GLRA1: variants seen among roughly 807,000 people sequenced by gnomAD.
GLRA1 encodes glycine receptor subunit alpha-1.
A neutral mutation model predicts 48.3 loss-of-function variants in GLRA1; 37 were observed. That is an observed-to-expected ratio of 0.77 (90% confidence interval 0.59 to 1.01). The LOEUF (loss-of-function observed/expected upper bound fraction) is 1.01. GLRA1 is among the 50% of genes least tolerant of loss of function. The pLI is 0.00. For synonymous variants in GLRA1, 196 were observed against 210.7 expected, an observed-to-expected ratio of 0.93 and a Z score of 0.60; for missense variants, 427 against 571.0, an observed-to-expected ratio of 0.75 and a Z score of 2.57.
rs755327089 is a variant in GLRA1 at position 151,886,794 on chromosome 5, A to G, written c.185-6T>C. 4 of 1,609,764 alleles carry G rather than the reference A, an allele frequency of 2.5e-6. No homozygotes were observed. The East Asian group carries it at 8.9e-5, about 36-fold the overall frequency. ...GCTCACGTTCACTGGGGGACCTGCCAATCAAGAGAGATTCCTGCTTAGCCC... is the reference window on the plus strand; with the variant it reads ...GCTCACGTTCACTGGGGGACCTGCCGATCAAGAGAGATTCCTGCTTAGCCC... On this transcript the variant is annotated splice_polypyrimidine_tract_variant and splice_region_variant and intron_variant, in intron 2 of 8. Transcript: ENST00000274576.
Position 151,855,095 on chromosome 5 carries a change from C to T in GLRA1, c.642G>A (p.Gln214=), listed in dbSNP as rs766580626. 6.2e-7 allele frequency: 1 copy of T among 1,614,078 alleles called. No individual in the cohort carries two copies. Among genetic ancestry groups the T allele is most frequent in the Non-Finnish European group, 8.5e-7 (1 of 1,179,948 alleles). Residue 214 remains glutamine, a synonymous_variant, in exon 6 of 9, where the codon CAG becomes CAA. Coordinates refer to ENST00000274576, the MANE Select transcript of GLRA1 (RefSeq NM_000171.4). The stretch of plus-strand genomic sequence containing the variant: ...AGTCCTTCTCTTCCTTCAAGATAAA[C>T]TGGGGCAGAGTTAGTCCATCTGCTA... ...VQVADGLTLP[Q]FILKEEKDLR... is the part of the protein sequence containing the mutation.
intron 1 of GLRA1, among the ~76,000 whole-genome samples, chr5:151,896,166 G>A (rs1354562387): frequency 2.0e-5 from 3 of 152,214 alleles, no homozygotes; most frequent in Non-Finnish European, 4.4e-5. Flanking sequence ...AAGCTGAAGA[G>A]TCTTCTGGTT....
chr5:151,827,029 G>GTTTTTTTTTTTTTTTTT (rs199505206), intron 8 of GLRA1, among the ~76,000 whole-genome samples: 24 of 126,784 alleles, frequency 1.9e-4, no homozygotes, highest in African/African-American at 6.7e-4. Flanking sequence ...CTTTCTTTCT[G>GTTTTTTTTTTTTTTTTT]TTTTTTTTTT....
At chr5:151,864,660 C>T (rs977414860) in intron 3 of GLRA1, among the ~76,000 whole-genome samples, 4 of 152,188 alleles carry the variant, frequency 2.6e-5, no homozygotes, top group Non-Finnish European at 5.9e-5. Flanking sequence ...CTTGATGCCC[C>T]AGGCTTCCCT....
rs368715490 is a variant in GLRA1, at chr5:151,850,973, A to G, written c.912+417T>C. 5.3e-5 allele frequency among the ~76,000 whole-genome samples: 8 copies of G among 152,338 alleles called. No homozygotes were observed. The East Asian group carries it at 5.8e-4, about 11-fold the overall frequency. ...CAAATACAACTTTATGCTGAGTCCT[A>G]TGAATCTTTCTATCAAATCTCTAGA... On this transcript the variant is annotated intron_variant, in intron 7 of 8. Coordinates refer to ENST00000274576, the MANE Select transcript of GLRA1 (RefSeq NM_000171.4).
At chr5:151,849,771 C>T in intron 7 of GLRA1, 1 of 616,256 alleles carries the variant, frequency 1.6e-6, no homozygotes, top group Non-Finnish European at 2.4e-6. Flanking sequence ...CCAGGCTGGT[C>T]TCCAACTCCT....
intron 6 of GLRA1, among the ~76,000 whole-genome samples, chr5:151,852,789 T>C (rs1472344919): frequency 6.6e-6 from 1 of 152,256 alleles, no homozygotes; most frequent in African/African-American, 2.4e-5. Context: ...GGAGTGCAGA[T>C]ATGTCTTTGA....
At chr5:151,831,323 G>A (rs1345971825) in intron 7 of GLRA1, among the ~76,000 whole-genome samples, 2 of 152,184 alleles carry the variant, frequency 1.3e-5, no homozygotes. Flanking sequence ...CTGGAAAGGG[G>A]GCTGAAGCCA....
chr5:151,878,681 G>A (rs1360212122), intron 3 of GLRA1, among the ~76,000 whole-genome samples: 4 of 152,170 alleles, frequency 2.6e-5, no homozygotes, highest in African/African-American at 7.2e-5. Context: ...AGGTGCCAAA[G>A]TACAATTCAG....
chr5:151,872,413 G>A (rs1475371060), intron 3 of GLRA1, among the ~76,000 whole-genome samples: 1 of 149,702 alleles, frequency 6.7e-6, no homozygotes, highest in East Asian at 1.9e-4. Context: ...AATACCTTGG[G>A]TTGGCAAGGA....
chr5:151,879,821 G>A (rs1581639490), intron 3 of GLRA1, among the ~76,000 whole-genome samples: 1 of 152,262 alleles, frequency 6.6e-6, no homozygotes, highest in African/African-American at 2.4e-5. Flanking sequence ...GATTTGGGAG[G>A]GGCCAGGAGC....
chr5:151,848,062 G>C (rs940283907), intron 7 of GLRA1, among the ~76,000 whole-genome samples: 1 of 152,212 alleles, frequency 6.6e-6, no homozygotes, highest in Non-Finnish European at 1.5e-5. Context: ...AAATTGAAGT[G>C]TGTCCAGAAA....
intron 1 of GLRA1, among the ~76,000 whole-genome samples, chr5:151,905,135 C>T (rs1754447406): frequency 6.6e-6 from 1 of 152,120 alleles, no homozygotes; most frequent in Non-Finnish European, 1.5e-5. Context: ...TGGTTGCCCT[C>T]AGACCAGATT....
At chr5:151,878,505 G>C (rs982368206) in intron 3 of GLRA1, among the ~76,000 whole-genome samples, 5 of 152,164 alleles carry the variant, frequency 3.3e-5, no homozygotes, top group Non-Finnish European at 7.3e-5. Flanking sequence ...AAGACAATGG[G>C]GAAAATGTCT....
At chr5:151,838,297 G>T (rs971196328) in intron 7 of GLRA1, among the ~76,000 whole-genome samples, 20 of 151,980 alleles carry the variant, frequency 1.3e-4, no homozygotes, top group Non-Finnish European at 4.4e-5. Context: ...GTGAAACCTC[G>T]TCTCTACTAA....
intron 3 of GLRA1, among the ~76,000 whole-genome samples, chr5:151,863,971 T>C (rs1753268677): frequency 6.6e-6 from 1 of 152,194 alleles, no homozygotes. Flanking sequence ...CCTCATAATC[T>C]CACATCTTAT....
chr5:151,829,099 T>A lies in GLRA1; in HGVS notation c.913-32A>T, dbSNP rs745943218. The A allele has an allele frequency of 5.0e-6, 8 of 1,609,696 alleles. No homozygotes were observed. The African/African-American group carries it at 9.4e-5, about 19-fold the overall frequency. ...TGGGGGTGGAGGAGAAACAGGGAGG[T>A]GAAAGCAGGGGAATGTAAAACATTA... On this transcript the variant is annotated intron_variant, in intron 7 of 8. Transcript: ENST00000274576.
At chr5:151,916,122 T>C (rs1371363016) in intron 1 of GLRA1, among the ~76,000 whole-genome samples, 1 of 152,232 alleles carries the variant, frequency 6.6e-6, no homozygotes, top group Non-Finnish European at 1.5e-5. Flanking sequence ...GAGATCTGTA[T>C]TTGAATCCTG....
intron 4 of GLRA1, among the ~76,000 whole-genome samples, chr5:151,856,654 G>A (rs888696468): frequency 1.3e-5 from 2 of 152,048 alleles, no homozygotes; most frequent in South Asian, 2.1e-4. Flanking sequence ...GAGTAGATGT[G>A]ACCATAGGCA....
Sources: gnomAD v4.1 joint callset for allele counts (sites outside exome capture counted in the v4.1 genomes callset) on GRCh38, gnomAD v4.1.1 for gene constraint, MANE v1.5 for transcripts, NCBI Gene and HGNC (gene_info 2026-07-23, HGNC 2026-07-21) for gene names.